MITD1: variants seen among roughly 807,000 people sequenced by gnomAD.
The protein encoded by MITD1 is microtubule interacting and trafficking domain containing 1, also known as MIT domain-containing protein 1.
MITD1 carries 24 observed loss-of-function variants against 34.9 expected under a neutral mutation model. The observed-to-expected ratio is 0.69, with a 90% CI of 0.50 to 0.97. The LOEUF (loss-of-function observed/expected upper bound fraction) is 0.97, where lower values mean the gene tolerates loss of function less well. Among genes scored for constraint, MITD1 ranks in the 50% least tolerant of loss-of-function variants. MITD1 has a pLI of 0.00. For missense variants in MITD1, 266 were observed against 294.6 expected (o/e 0.90, Z 0.71); for synonymous variants, 102 against 101.4 (o/e 1.01, Z -0.04).
Position 99,171,425 on chromosome 2 carries a change from T to C in MITD1, c.395A>G (p.Tyr132Cys). 1 of 1,610,398 alleles carries C rather than the reference T, an allele frequency of 6.2e-7. No homozygotes were observed. Among genetic ancestry groups the C allele is most frequent in the South Asian group, 1.1e-5 (1 of 90,946 alleles). ...CATCTCACAAAATCGAAGAAAGTTA[T>C]ACAGCTAAAAGACATTAGAATGGAT... ...DPYIRHTHQLYNFLRFCEMLI... is the reference protein window; with the variant it reads ...DPYIRHTHQLCNFLRFCEMLI... The change falls in exon 4 of 7, where the codon TAT (tyrosine) becomes TGT (cysteine). Residue 132 changes from tyrosine to cysteine, a missense_variant. Physicochemically the swap from Tyr to Cys is radical, Grantham distance 194 (BLOSUM62 -2). Transcript: ENST00000289359.
chr2:99,162,417 C>T (rs1480935874), intron 7 of MITD1: 5 of 1,613,990 alleles, frequency 3.1e-6, no homozygotes, highest in Non-Finnish European at 4.2e-6. Context: ...AAGATTTGAC[C>T]TTTTACTTGA....
At chr2:99,161,777 T>G, downstream of MITD1, 2 of 489,414 alleles carry the variant, frequency 4.1e-6, no homozygotes, top group Non-Finnish European at 7.2e-6. Context: ...TGTCTTCATT[T>G]ATTTCTTTTG....
intron 1 of MITD1, among the ~76,000 whole-genome samples, chr2:99,175,274 G>C (rs1017889448): frequency 1.3e-5 from 2 of 152,120 alleles, no homozygotes; most frequent in Non-Finnish European, 2.9e-5. Context: ...TCTGGTCCAG[G>C]ATCCCATATT....
chr2:99,177,676 T>TC (rs2093895735), intron 1 of MITD1, among the ~76,000 whole-genome samples: 2 of 46,764 alleles, frequency 4.3e-5, no homozygotes, highest in Non-Finnish European at 1.8e-4. Flanking sequence ...TAACTGTAAA[T>TC]TTTTTTTTTT....
intron 1 of MITD1, among the ~76,000 whole-genome samples, chr2:99,175,040 A>T (rs765916331): frequency 9.2e-5 from 14 of 152,232 alleles, no homozygotes; most frequent in Non-Finnish European, 1.3e-4. Flanking sequence ...ATTTCATTTT[A>T]ATCTCTCATT....
chr2:99,167,916 T>C (rs144167125), downstream of MITD1, among the ~76,000 whole-genome samples: 724 of 152,244 alleles, frequency 4.8e-3, 9 homozygotes, highest in African/African-American at 0.017. Context: ...GCCAGCTCCA[T>C]CTTGTACCTA....
chr2:99,166,982 G>A (rs2093830613), downstream of MITD1, among the ~76,000 whole-genome samples: 2 of 150,376 alleles, frequency 1.3e-5, no homozygotes, highest in Admixed American at 6.6e-5. Flanking sequence ...TTTATGCGGA[G>A]TAAGACAGAG....
At position 99,162,141 on chromosome 2, in the gene MITD1, A is replaced by G. The variant is rs774872860; in HGVS notation, c.*81T>C. ...CCATATGAATCTAGAAGGCAAACCA[A>G]TTCTATTCTTTTGGCAGAATTCTCC... On this transcript the variant is annotated 3_prime_UTR_variant, in exon 8 of 8. Coordinates refer to the MITD1 transcript ENST00000422537. 5.0e-6 allele frequency: 8 copies of G among 1,614,010 alleles called. No homozygotes were observed. In the Admixed American group the frequency reaches 6.7e-5, roughly 13 times the overall value.
intron 1 of MITD1, 72 bp downstream of exon 1, chr2:99,180,759 T>C (rs779657516): frequency 3.7e-4 from 484 of 1,319,812 alleles, no homozygotes; most frequent in Non-Finnish European, 4.8e-4. Context: ...TTTAACTCTT[T>C]CACTTCACCC....
At position 99,180,828 on chromosome 2, in the gene MITD1, C is replaced by T. The variant is rs772361282; in HGVS notation, c.151+3G>A. ...GTCCTCCCCGCCTTGGCTCATTGCT[C>T]ACCTTTCAGAACCTGCAGGAGCAGA... On this transcript the variant is annotated splice_donor_region_variant and intron_variant, in intron 1 of 6. Coordinates refer to ENST00000289359, the MANE Select transcript of MITD1 (RefSeq NM_138798.3). The T allele has an allele frequency of 1.1e-5, 17 of 1,613,674 alleles. 1 individual carries two copies. The East Asian group carries it at 2.2e-4, about 21-fold the overall frequency.
At chr2:99,179,765 G>T (rs2093905664) in intron 1 of MITD1, among the ~76,000 whole-genome samples, 1 of 152,036 alleles carries the variant, frequency 6.6e-6, no homozygotes, top group Admixed American at 6.6e-5. Flanking sequence ...GTTTCACCAT[G>T]TTGGCCAGGA....
Position 99,176,334 on chromosome 2 carries a change from A to AC in MITD1, c.152-2319dup, listed in dbSNP as rs1268551322. ...AATGAGGCCCAACACAAATTCATAA[A>AC]CTTTTTTTTTTTTTTTGAGACGGAG... On this transcript the variant is annotated intron_variant, in intron 1 of 6. Coordinates refer to ENST00000289359, the MANE Select transcript of MITD1 (RefSeq NM_138798.3). Among the ~76,000 whole-genome samples the AC allele has an allele frequency of 3.5e-5, 4 of 115,268 alleles. No homozygotes were observed. The Admixed American group carries it at 3.7e-4, about 11-fold the overall frequency. 75.6% of individuals were successfully genotyped at this position (115,268 alleles called of 152,430 possible). A position where few individuals can be genotyped will look rare whatever the true frequency, so the allele number is the denominator to read the frequency against.
At chr2:99,162,751 A>C (rs2093806514) in intron 7 of MITD1, 1 of 1,614,044 alleles carries the variant, frequency 6.2e-7, no homozygotes, top group African/African-American at 1.3e-5. Context: ...AAAGCCAAAG[A>C]ACTGCAAACT....
At chr2:99,176,370 T>C (rs1192946864) in intron 1 of MITD1, among the ~76,000 whole-genome samples, 4 of 151,292 alleles carry the variant, frequency 2.6e-5, no homozygotes, top group Non-Finnish European at 5.9e-5. Context: ...TCTCGCTGTG[T>C]TGCCCAGGCT....
At chr2:99,168,231 T>A (rs2093835937), downstream of MITD1, among the ~76,000 whole-genome samples, 1 of 152,166 alleles carries the variant, frequency 6.6e-6, no homozygotes, top group African/African-American at 2.4e-5. Flanking sequence ...AGCCTCCACC[T>A]CCAGGGTTCA....
chr2:99,165,513 A>T (rs2093823396), downstream of MITD1, among the ~76,000 whole-genome samples: 1 of 152,220 alleles, frequency 6.6e-6, no homozygotes, highest in African/African-American at 2.4e-5. Flanking sequence ...AATAACTCCA[A>T]GGAGAAGTCT....
At chr2:99,179,964 GA>G (rs1018709050) in intron 1 of MITD1, among the ~76,000 whole-genome samples, 1 of 152,128 alleles carries the variant, frequency 6.6e-6, no homozygotes, top group African/African-American at 2.4e-5. Context: ...GCTTAAACTA[GA>G]AAGAACAGAG....
chr2:99,167,252 A>G (rs2093831447), downstream of MITD1, among the ~76,000 whole-genome samples: 3 of 152,174 alleles, frequency 2.0e-5, no homozygotes, highest in Admixed American at 2.0e-4. Flanking sequence ...TAATTTATAA[A>G]TTAAGTTAGA....
At chr2:99,175,104 G>A (rs1031237089) in intron 1 of MITD1, among the ~76,000 whole-genome samples, 1 of 152,132 alleles carries the variant, frequency 6.6e-6, no homozygotes, top group South Asian at 2.1e-4. Flanking sequence ...TGCAAAAATG[G>A]TACAGATAAC....
Sources: allele counts gnomAD v4.1 joint callset (sites outside exome capture counted in the v4.1 genomes callset), GRCh38; gene constraint gnomAD v4.1.1; transcripts MANE v1.5; gene names NCBI Gene and HGNC (gene_info 2026-07-23, HGNC 2026-07-21).